The following PDE1A variants were observed in gnomAD, a reference collection of about 807,000 sequenced individuals.
The protein encoded by PDE1A is phosphodiesterase 1A.
PDE1A carries 35 observed loss-of-function variants against 61.7 expected under a neutral mutation model. That is an observed-to-expected ratio of 0.57 (90% CI 0.43 to 0.75). The LOEUF (loss-of-function observed/expected upper bound fraction) is 0.75, where lower values mean the gene tolerates loss of function less well. Ranked by LOEUF, PDE1A falls within the 30% of genes least tolerant of loss-of-function variation. PDE1A has a pLI of 0.00. For missense variants in PDE1A, 597 were observed against 630.6 expected (o/e 0.95, Z 0.57); for synonymous variants, 232 against 213.2 (o/e 1.09, Z -0.77).
intron 1 of PDE1A, among the ~76,000 whole-genome samples, chr2:182,395,825 C>T (rs556670214): frequency 6.6e-6 from 1 of 152,302 alleles, no homozygotes; most frequent in South Asian, 2.1e-4. Flanking sequence ...GCCATCTTCT[C>T]CAGATAACTA....
chr2:182,240,035 C>T (rs1438850867), intron 3 of PDE1A, 75 bp downstream of exon 3: 5 of 1,330,512 alleles, frequency 3.8e-6, no homozygotes, highest in African/African-American at 1.4e-5. Flanking sequence ...ATAGACTGCT[C>T]ATACCCTTGA....
chr2:182,180,823 AT>A (rs1215691546), intron 13 of PDE1A, among the ~76,000 whole-genome samples: 2 of 151,400 alleles, frequency 1.3e-5, no homozygotes, highest in Non-Finnish European at 2.9e-5. Flanking sequence ...TGCATGCCTT[AT>A]TTCAGCAAGA....
chr2:182,403,835 G>T (rs1702151845), intron 1 of PDE1A, among the ~76,000 whole-genome samples: 1 of 151,964 alleles, frequency 6.6e-6, no homozygotes, highest in African/African-American at 2.4e-5. Flanking sequence ...TCCTGTCAGG[G>T]GGTGGGGGGC....
intron 3 of PDE1A, among the ~76,000 whole-genome samples, chr2:182,235,888 T>C (rs1483391800): frequency 2.6e-5 from 4 of 152,350 alleles, no homozygotes; most frequent in Admixed American, 2.6e-4. Context: ...ATGTTCCTTA[T>C]GTTAAAAATG....
chr2:182,486,487 C>G (rs1574775518), intron 2 of PDE1A, among the ~76,000 whole-genome samples: 1 of 151,954 alleles, frequency 6.6e-6, no homozygotes, highest in South Asian at 2.1e-4. Flanking sequence ...TCTAGAATAG[C>G]CAGAACAATT....
At chr2:182,341,523 A>T (rs113814985) in intron 1 of PDE1A, among the ~76,000 whole-genome samples, 189 of 152,290 alleles carry the variant, frequency 1.2e-3, no homozygotes, top group African/African-American at 4.5e-3. Context: ...TTCCCTGAAG[A>T]TTCAGCAGCC....
intron 10 of PDE1A, among the ~76,000 whole-genome samples, chr2:182,199,612 A>T (rs540773544): frequency 6.6e-6 from 1 of 152,250 alleles, no homozygotes; most frequent in Admixed American, 6.5e-5. Flanking sequence ...ACAGGGCTAT[A>T]CAGAAAGATC....
intron 10 of PDE1A, among the ~76,000 whole-genome samples, chr2:182,196,938 G>C (rs553621546): frequency 6.6e-6 from 1 of 151,830 alleles, no homozygotes; most frequent in East Asian, 1.9e-4. Flanking sequence ...AGGGGTAAAA[G>C]TGCTGGGTCC....
At chr2:182,693,620 A>G in the PDE1A span, among the ~76,000 whole-genome samples, 1 of 146,038 alleles carries the variant, frequency 6.8e-6, no homozygotes, top group Middle Eastern at 3.6e-3. Flanking sequence ...TTGTCTGGTC[A>G]CTTTCTTGAT....
At chr2:182,549,645 C>A in the PDE1A span, among the ~76,000 whole-genome samples, 1 of 152,060 alleles carries the variant, frequency 6.6e-6, no homozygotes, top group Non-Finnish European at 1.5e-5. Context: ...AACTGGGGAA[C>A]TCTCTTCCAA....
chr2:182,666,793 T>C, the PDE1A span, among the ~76,000 whole-genome samples: 1 of 152,146 alleles, frequency 6.6e-6, no homozygotes, highest in African/African-American at 2.4e-5. Flanking sequence ...CTGGCCACCA[T>C]AAGCTCCCAT....
chr2:182,206,734 C>G (rs1485385016), intron 7 of PDE1A, among the ~76,000 whole-genome samples: 2 of 152,120 alleles, frequency 1.3e-5, no homozygotes, highest in Non-Finnish European at 2.9e-5. Context: ...AGGGGAGGGA[C>G]CTGGTGGGAG....
chr2:182,462,965 G>A (rs1420853317), intron 2 of PDE1A, among the ~76,000 whole-genome samples: 1 of 152,154 alleles, frequency 6.6e-6, no homozygotes, highest in East Asian at 1.9e-4. Context: ...GGTAGGCCGG[G>A]TGCGGTGGCT....
chr2:182,340,417 G>A (rs909127859), intron 1 of PDE1A, among the ~76,000 whole-genome samples: 8 of 152,074 alleles, frequency 5.3e-5, no homozygotes, highest in Admixed American at 2.6e-4. Flanking sequence ...TTTGGGTTCC[G>A]ACACCTCCTT....
chr2:182,561,706 T>C, the PDE1A span, among the ~76,000 whole-genome samples: 1 of 152,066 alleles, frequency 6.6e-6, no homozygotes, highest in Non-Finnish European at 1.5e-5. Flanking sequence ...TGTTCTTCCA[T>C]TTGTTTGTAT....
At chr2:182,260,620 TC>T (rs1244689246) in intron 2 of PDE1A, among the ~76,000 whole-genome samples, 3 of 152,156 alleles carry the variant, frequency 2.0e-5, no homozygotes, top group African/African-American at 4.8e-5. Flanking sequence ...AACAACAGAC[TC>T]TCCAGAAAAA....
chr2:182,217,811 A>C (rs1002482643), intron 7 of PDE1A, among the ~76,000 whole-genome samples: 6 of 151,422 alleles, frequency 4.0e-5, no homozygotes, highest in Non-Finnish European at 8.8e-5. Context: ...ACACTTTTAC[A>C]CTGTTGGTGG....
At chr2:182,444,446 T>C (rs1685002821) in intron 2 of PDE1A, among the ~76,000 whole-genome samples, 1 of 152,172 alleles carries the variant, frequency 6.6e-6, no homozygotes, top group African/African-American at 2.4e-5. Flanking sequence ...TCCTGTCTCA[T>C]TTTGTACAGT....
At chr2:182,536,722 G>T in the PDE1A span, among the ~76,000 whole-genome samples, 3 of 152,084 alleles carry the variant, frequency 2.0e-5, no homozygotes, top group Admixed American at 6.6e-5. Flanking sequence ...GTTAACTTTT[G>T]TAATTCCCTC....
Sources: allele counts gnomAD v4.1 joint callset (sites outside exome capture counted in the v4.1 genomes callset), GRCh38; gene constraint gnomAD v4.1.1; transcripts MANE v1.5; gene names NCBI Gene and HGNC (gene_info 2026-07-23, HGNC 2026-07-21).